Variants in CFAP263 observed in about 807,000 individuals in gnomAD.
CFAP263 encodes the protein cilia and flagella associated protein 263.
At chr16:58,278,619 G>A in the CFAP263 span, 2 of 1,614,184 alleles carry the variant, frequency 1.2e-6, no homozygotes, top group Admixed American at 3.3e-5. Flanking sequence ...TGTGGGAAAG[G>A]AAAGTGGAGA....
chr16:58,274,184 G>C, the CFAP263 span, among the ~76,000 whole-genome samples: 1 of 152,222 alleles, frequency 6.6e-6, no homozygotes, highest in Non-Finnish European at 1.5e-5. Flanking sequence ...GCCAGTCTTT[G>C]AGGCTTGCTC....
the CFAP263 span, among the ~76,000 whole-genome samples, chr16:58,257,048 C>T: frequency 4.4e-5 from 1 of 22,556 alleles, no homozygotes; most frequent in South Asian, 3.0e-3. Flanking sequence ...GACGGAGTCT[C>T]GCTCTGTCGC....
At chr16:58,258,295 T>C in the CFAP263 span, 1 of 1,417,650 alleles carries the variant, frequency 7.1e-7, no homozygotes, top group Non-Finnish European at 9.7e-7. Flanking sequence ...GCCTGGGAAC[T>C]TAGGTTTTCT....
chr16:58,265,656 C>T, the CFAP263 span, among the ~76,000 whole-genome samples: 6 of 152,180 alleles, frequency 3.9e-5, no homozygotes, highest in South Asian at 2.1e-4. Context: ...CCACACTGTG[C>T]GCAGACTTCC....
chr16:58,272,051 G>C, the CFAP263 span, among the ~76,000 whole-genome samples: 4 of 143,930 alleles, frequency 2.8e-5, no homozygotes, highest in East Asian at 6.1e-4. Flanking sequence ...GTCTCACTCT[G>C]TCGCCCAGGC....
the CFAP263 span, among the ~76,000 whole-genome samples, chr16:58,273,716 G>T: frequency 5.3e-5 from 8 of 152,226 alleles, no homozygotes; most frequent in East Asian, 1.5e-3. Flanking sequence ...GTGGATCATG[G>T]TTTCTTATTT....
chr16:58,267,271 C>T, the CFAP263 span, among the ~76,000 whole-genome samples: 1 of 152,102 alleles, frequency 6.6e-6, no homozygotes, highest in East Asian at 1.9e-4. Context: ...TTCTTTGCCT[C>T]TCCAGCTGAG....
the CFAP263 span, chr16:58,280,681 C>T: frequency 6.2e-7 from 1 of 1,614,200 alleles, no homozygotes; most frequent in Non-Finnish European, 8.5e-7. Flanking sequence ...CGTCTCACCA[C>T]CGAAGTTCAG....
the CFAP263 span, among the ~76,000 whole-genome samples, chr16:58,278,892 G>T: frequency 6.6e-6 from 1 of 152,072 alleles, no homozygotes; most frequent in African/African-American, 2.4e-5. Context: ...GTTTTTAGTT[G>T]CTTGTTATCT....
At chr16:58,250,652 C>T in the CFAP263 span, among the ~76,000 whole-genome samples, 1 of 151,518 alleles carries the variant, frequency 6.6e-6, no homozygotes, top group Admixed American at 6.6e-5. Context: ...GTAATCCCAT[C>T]TACTCTGGAG....
the CFAP263 span, among the ~76,000 whole-genome samples, chr16:58,257,079 G>A: frequency 1.4e-5 from 1 of 70,386 alleles, no homozygotes; most frequent in African/African-American, 4.9e-5. Flanking sequence ...GTGCAGTGGC[G>A]GGATCTCGGC....
At chr16:58,281,071 G>A in the CFAP263 span, 4 of 310,892 alleles carry the variant, frequency 1.3e-5, no homozygotes, top group South Asian at 2.4e-4. Flanking sequence ...TCTCATTCCT[G>A]AAATGTTGGT....
chr16:58,280,635 G>A, the CFAP263 span: 1 of 1,614,158 alleles, frequency 6.2e-7, no homozygotes, highest in Non-Finnish European at 8.5e-7. Context: ...ATTTGCTGTA[G>A]TCTTCCACCT....
the CFAP263 span, chr16:58,267,521 A>T: frequency 6.2e-7 from 1 of 1,614,004 alleles, no homozygotes. Context: ...CAATCTGGAC[A>T]AGGAGATCTT....
At chr16:58,250,893 T>G in the CFAP263 span, among the ~76,000 whole-genome samples, 1 of 152,134 alleles carries the variant, frequency 6.6e-6, no homozygotes, top group Non-Finnish European at 1.5e-5. Flanking sequence ...AGATGGACAG[T>G]AAAGAATGGC....
chr16:58,269,385 G>GAAAAGAAA, the CFAP263 span, among the ~76,000 whole-genome samples: 1 of 140,394 alleles, frequency 7.1e-6, no homozygotes, highest in Admixed American at 7.2e-5. Flanking sequence ...TAAGAAGAAA[G>GAAAAGAAA]GAAGGAAAGA....
chr16:58,252,947 C>T, the CFAP263 span: 1 of 1,260,432 alleles, frequency 7.9e-7, no homozygotes, highest in South Asian at 1.3e-5. Context: ...CCTCTGTGGC[C>T]AATTGACCAT....
At chr16:58,272,321 T>C in the CFAP263 span, among the ~76,000 whole-genome samples, 2 of 152,194 alleles carry the variant, frequency 1.3e-5, no homozygotes, top group Non-Finnish European at 2.9e-5. Flanking sequence ...CGGCCAGATA[T>C]TTGTTTTGTA....
At chr16:58,255,245 C>T in the CFAP263 span, among the ~76,000 whole-genome samples, 6 of 152,254 alleles carry the variant, frequency 3.9e-5, no homozygotes, top group South Asian at 2.1e-4. Flanking sequence ...GTCTGATGTC[C>T]GAGGGCAGGA....
Sources: allele counts gnomAD v4.1 joint callset (sites outside exome capture counted in the v4.1 genomes callset), GRCh38; gene constraint gnomAD v4.1.1; transcripts MANE v1.5; gene names NCBI Gene and HGNC (gene_info 2026-07-23, HGNC 2026-07-21).